CFAP54: variants seen among roughly 807,000 people sequenced by gnomAD.
CFAP54 encodes the protein cilia- and flagella-associated protein 54.
CFAP54 carries 290 observed loss-of-function variants against 370.4 expected under a neutral mutation model. The ratio of observed to expected loss-of-function variants is 0.78; its 90% confidence interval spans 0.71 to 0.86. CFAP54 has a LOEUF of 0.86. Ranked by LOEUF, CFAP54 falls within the 40% of genes least tolerant of loss-of-function variation. CFAP54 has a pLI of 0.00. For synonymous variants in CFAP54, 1,206 were observed against 1,236.5 expected, an observed-to-expected ratio of 0.98 and a Z score of 0.52; for missense variants, 3,399 against 3,528.7, an observed-to-expected ratio of 0.96 and a Z score of 0.93.
chr12:96,617,914 C>T (rs1463055978), intron 26 of CFAP54, among the ~76,000 whole-genome samples: 5 of 149,188 alleles, frequency 3.4e-5, no homozygotes, highest in African/African-American at 9.9e-5. Context: ...GGCGTGAACC[C>T]GGGAGGCAGA....
In CFAP54 at chr12:96,630,649, A is replaced by G; in HGVS notation, c.4314A>G (p.Glu1438=). 1 of 1,471,754 alleles carries G rather than the reference A, an allele frequency of 6.8e-7. No homozygotes were observed. Among genetic ancestry groups the G allele is most frequent in the Non-Finnish European group, 9.0e-7 (1 of 1,111,094 alleles). The allele number at this position is 1,471,754 out of a possible 1,614,324, so 91.2% of individuals were successfully genotyped here. The change falls in exon 32 of 68, where the codon GAA becomes GAG. Residue 1438 remains glutamate (E), a splice_region_variant and synonymous_variant. Transcript: ENST00000524981. ...CTATTTCTGAAATGGTGGCACATGA[A>G]AGGTATTCACTAATTAATTAATTCA... The part of the protein sequence containing the change: ...NPAISEMVAH[E]RNRRTSVRKA...
At chr12:96,581,150 C>G (rs1956029126) in intron 22 of CFAP54, 45 bp downstream of exon 22, 2 of 1,290,952 alleles carry the variant, frequency 1.5e-6, no homozygotes, top group Non-Finnish European at 2.0e-6. Context: ...TTTTTTTTTC[C>G]ATTAAGCAGT....
Position 96,871,958 on chromosome 12 carries a change from A to G in CFAP54, c.*15-3160A>G, listed in dbSNP as rs941319139. On this transcript the variant is annotated intron_variant, in intron 67 of 67. Coordinates refer to ENST00000524981, the MANE Select transcript of CFAP54 (RefSeq NM_001306084.2). ...TCTAAGATAGGAAGGGAAGTTAGGAAAGAGCCCCAGATAGGAAGAAATTGA... is the reference window on the plus strand; with the variant it reads ...TCTAAGATAGGAAGGGAAGTTAGGAGAGAGCCCCAGATAGGAAGAAATTGA... Among the ~76,000 whole-genome samples, 3 of 152,122 alleles carry G rather than the reference A, an allele frequency of 2.0e-5. No homozygotes were observed. The South Asian group carries it at 6.2e-4, about 31-fold the overall frequency.
chr12:96,797,851 C>T (rs1295605604), intron 63 of CFAP54, among the ~76,000 whole-genome samples: 2 of 151,940 alleles, frequency 1.3e-5, no homozygotes, highest in Non-Finnish European at 2.9e-5. Context: ...AATGTAAATA[C>T]TAATATATTT....
At chr12:96,592,144 G>A (rs1284164415) in intron 23 of CFAP54, among the ~76,000 whole-genome samples, 1 of 152,042 alleles carries the variant, frequency 6.6e-6, no homozygotes, top group Non-Finnish European at 1.5e-5. Context: ...AAGAAAGAAT[G>A]AGTGAGCAAA....
chr12:96,754,991 G>C (rs10860089), intron 56 of CFAP54, among the ~76,000 whole-genome samples: 55,777 of 151,772 alleles, frequency 0.37, 11,241 homozygotes, highest in East Asian at 0.58. Context: ...CTATCCACCC[G>C]CCTTGGCCTC....
chr12:96,813,826 T>C (rs1259561593), intron 64 of CFAP54, among the ~76,000 whole-genome samples: 1 of 152,130 alleles, frequency 6.6e-6, no homozygotes, highest in Non-Finnish European at 1.5e-5. Flanking sequence ...AGATGCTTGT[T>C]TGTAGTGCCA....
chr12:96,747,540 A>G (rs980188751), intron 55 of CFAP54, among the ~76,000 whole-genome samples: 2 of 152,226 alleles, frequency 1.3e-5, no homozygotes, highest in African/African-American at 4.8e-5. Context: ...TGCTCAGTAA[A>G]TGTTAGCTCC....
chr12:96,772,735 T>C (rs1555326552), intron 60 of CFAP54, among the ~76,000 whole-genome samples: 1 of 152,072 alleles, frequency 6.6e-6, no homozygotes, highest in Non-Finnish European at 1.5e-5. Flanking sequence ...TTCTCCTGCC[T>C]CAGCCTTCTG....
At chr12:96,796,959 T>C (rs370430007) in intron 63 of CFAP54, among the ~76,000 whole-genome samples, 22 of 152,182 alleles carry the variant, frequency 1.4e-4, no homozygotes, top group African/African-American at 5.1e-4. Context: ...TATATGCATT[T>C]TGAAGCTATG....
At chr12:96,802,165 C>T (rs1161692452) in intron 63 of CFAP54, among the ~76,000 whole-genome samples, 1 of 152,112 alleles carries the variant, frequency 6.6e-6, no homozygotes, top group Non-Finnish European at 1.5e-5. Flanking sequence ...AAACCAGTCT[C>T]TCCTATGCAT....
At chr12:96,810,297 G>A (rs555687396) in intron 63 of CFAP54, among the ~76,000 whole-genome samples, 1 of 152,154 alleles carries the variant, frequency 6.6e-6, no homozygotes, top group South Asian at 2.1e-4. Context: ...GTCCTTCATA[G>A]TGTTGCTAAC....
At chr12:96,579,708 G>A (rs1956013274) in intron 20 of CFAP54, among the ~76,000 whole-genome samples, 1 of 152,048 alleles carries the variant, frequency 6.6e-6, no homozygotes, top group African/African-American at 2.4e-5. Context: ...CCCGTCAGGT[G>A]TCACCTAGCT....
intron 55 of CFAP54, among the ~76,000 whole-genome samples, chr12:96,746,243 A>C (rs1286866566): frequency 6.6e-6 from 1 of 152,196 alleles, no homozygotes; most frequent in Non-Finnish European, 1.5e-5. Context: ...CAGTAAAAAA[A>C]TAAACTAAAC....
rs544766995 is a variant in CFAP54 at position 96,748,656 on chromosome 12, G to T, written c.7684+4510G>T. ...GTGTGGCTGTTTTTTCTCAGGGTTT[G>T]TTAGAGATTATTCCATCATGTCTAG... On this transcript the variant is annotated intron_variant, in intron 55 of 67. Coordinates refer to ENST00000524981, the MANE Select transcript of CFAP54 (RefSeq NM_001306084.2). Among the ~76,000 whole-genome samples the T allele has an allele frequency of 4.1e-3, 631 of 152,296 alleles. 7 individuals carry two copies. Among genetic ancestry groups the T allele is most frequent in the African/African-American group, 0.014 (600 of 41,562 alleles).
intron 20 of CFAP54, 128 bp downstream of exon 20, chr12:96,576,889 A>G (rs1448184291): frequency 6.8e-6 from 5 of 739,184 alleles, no homozygotes; most frequent in Non-Finnish European, 1.1e-5. Flanking sequence ...ACACTGGATT[A>G]ATATTCCAAT....
intron 64 of CFAP54, among the ~76,000 whole-genome samples, chr12:96,816,715 A>C (rs1958977749): frequency 6.6e-6 from 1 of 152,202 alleles, no homozygotes; most frequent in African/African-American, 2.4e-5. Context: ...ATGTGCACAC[A>C]CATATGTAAA....
In CFAP54 at chr12:96,527,390, G is replaced by C. The variant is rs1955394905; in HGVS notation, c.1303G>C (p.Glu435Gln). ...TGGACCCATTGTTACAGATGAAGTG[G>C]AGATTCATGATGTTGTCTCAGAATT... ...QTGPIVTDEV[E>Q]IHDVVSELFM... is the part of the protein sequence containing the mutation. Residue 435 changes from glutamate (E) to glutamine (Q), a missense_variant, in exon 9 of 68, where the codon GAG becomes CAG. Transcript: ENST00000524981. 2 of 1,533,812 alleles carry C rather than the reference G, an allele frequency of 1.3e-6. No homozygotes were observed. Among genetic ancestry groups the C allele is most frequent in the Admixed American group, 3.9e-5 (2 of 50,794 alleles).
chr12:96,587,521 G>A (rs555835395), intron 22 of CFAP54, among the ~76,000 whole-genome samples: 5 of 152,040 alleles, frequency 3.3e-5, no homozygotes, highest in Admixed American at 6.5e-5. Flanking sequence ...TCACTACCAG[G>A]ACCAGGTTAA....
Sources: allele counts gnomAD v4.1 joint callset (sites outside exome capture counted in the v4.1 genomes callset), GRCh38; gene constraint gnomAD v4.1.1; transcripts MANE v1.5; gene names NCBI Gene and HGNC (gene_info 2026-07-23, HGNC 2026-07-21).